The following EVA1A variants were observed in gnomAD, a reference collection of about 807,000 sequenced individuals.
EVA1A encodes protein eva-1 homolog A.
A neutral mutation model predicts 9.8 loss-of-function variants in EVA1A; 7 were observed. The observed-to-expected ratio is 0.71, with a 90% CI of 0.41 to 1.34. EVA1A has a LOEUF of 1.34. EVA1A is among the 40% of genes most tolerant of loss of function. The pLI is 0.01. For missense variants in EVA1A, 206 were observed against 205.9 expected (o/e 1.00, Z 0.00); for synonymous variants, 90 against 85.6 (o/e 1.05, Z -0.28).
chr2:75,518,075 C>T lies in EVA1A; in HGVS notation c.66G>A (p.Ala22=), dbSNP rs767025615. ...ACCTACCTGAGACAAAGGAATAGGC[C>T]GCTAGGATGTTGCTGAGCAAAGCCA... ...VEMALLSNIL[A]AYSFVSENPE... The change falls in exon 3 of 4, where the codon GCG becomes GCA. Residue 22 remains alanine (A), a synonymous_variant. Coordinates refer to ENST00000393913, the MANE Select transcript of EVA1A (RefSeq NM_001135032.2). 6.1e-5 allele frequency: 99 copies of T among 1,614,102 alleles called. No individual in the cohort carries two copies. Among genetic ancestry groups the T allele is most frequent in the Middle Eastern group, 3.3e-4 (2 of 6,060 alleles).
chr2:75,553,842 A>C (rs1281001373), intron 1 of EVA1A, among the ~76,000 whole-genome samples: 1 of 152,166 alleles, frequency 6.6e-6, no homozygotes, highest in Non-Finnish European at 1.5e-5. Context: ...TCTCATAGCA[A>C]GTAAATGGCA....
intron 1 of EVA1A, among the ~76,000 whole-genome samples, chr2:75,555,301 A>ATCTC (rs58092436): frequency 0.066 from 3,743 of 57,100 alleles, 312 homozygotes; most frequent in East Asian, 0.2. Flanking sequence ...TCAAAACTCA[A>ATCTC]TCTCTCTCTC....
intron 3 of EVA1A, among the ~76,000 whole-genome samples, chr2:75,499,360 C>A (rs1195774706): frequency 6.6e-6 from 1 of 152,098 alleles, no homozygotes; most frequent in East Asian, 1.9e-4. Context: ...GCATGAGGCA[C>A]CACTGGGGCA....
rs116561331 is a variant in EVA1A, at chr2:75,557,800, G to C, written c.-192+2880C>G. 8.9e-3 allele frequency among the ~76,000 whole-genome samples: 1,360 copies of C among 152,374 alleles called. 20 individuals carry two copies. The highest frequency in any genetic ancestry group is 0.031 in the African/African-American group (1,302 of 41,598). On this transcript the variant is annotated intron_variant, in intron 1 of 3. Transcript: ENST00000393913. ...TCCTGCCCCTCTGTGGCTGGGGGCAGGGCCAGGAGGCAAGGAAAGGAGCAA... is the reference window on the plus strand; with the variant it reads ...TCCTGCCCCTCTGTGGCTGGGGGCACGGCCAGGAGGCAAGGAAAGGAGCAA...
At chr2:75,555,733 G>A (rs1438960381) in intron 1 of EVA1A, among the ~76,000 whole-genome samples, 2 of 152,070 alleles carry the variant, frequency 1.3e-5, no homozygotes, top group African/African-American at 4.8e-5. Flanking sequence ...CTCCTGCACT[G>A]GTAAAATGTC....
chr2:75,492,579 C>A lies in EVA1A; in HGVS notation c.*657G>T, dbSNP rs550112654. On this transcript the variant is annotated 3_prime_UTR_variant, in exon 4 of 4. Transcript: ENST00000393913. ...TAAACTATTTAAAATAAAAACCCTT[C>A]ATCCTTTGAGGTTATTGACATTTTC... 6.5e-6 allele frequency: 1 copy of A among 152,684 alleles called. No individual in the cohort carries two copies. Among genetic ancestry groups the A allele is most frequent in the Non-Finnish European group, 1.5e-5 (1 of 68,010 alleles). 9.5% of individuals were successfully genotyped at this position (152,684 alleles called of 1,614,324 possible). A position where few individuals can be genotyped will look rare whatever the true frequency, so the allele number is the denominator to read the frequency against.
intron 1 of EVA1A, among the ~76,000 whole-genome samples, chr2:75,560,189 G>A (rs756447361): frequency 1.3e-5 from 2 of 152,270 alleles, no homozygotes; most frequent in South Asian, 2.1e-4. Context: ...CGGCTTTCGG[G>A]GTCCTGGGGG....
intron 1 of EVA1A, among the ~76,000 whole-genome samples, chr2:75,559,598 A>C (rs1232990112): frequency 2.0e-5 from 3 of 152,090 alleles, no homozygotes; most frequent in African/African-American, 7.2e-5. Flanking sequence ...CGCTGAACTC[A>C]GAGGACAGTA....
intron 1 of EVA1A, among the ~76,000 whole-genome samples, chr2:75,557,664 G>A (rs889383515): frequency 2.0e-5 from 3 of 152,224 alleles, no homozygotes; most frequent in Admixed American, 6.5e-5. Context: ...AGGCAGGTGT[G>A]TGTTGACTCC....
chr2:75,564,775 T>C (rs1299629100), upstream of EVA1A, among the ~76,000 whole-genome samples: 1 of 152,226 alleles, frequency 6.6e-6, no homozygotes, highest in East Asian at 1.9e-4. Context: ...CAAAACTCCA[T>C]CTGCATTTGC....
At chr2:75,563,283 G>A (rs1676960371), upstream of EVA1A, among the ~76,000 whole-genome samples, 1 of 152,224 alleles carries the variant, frequency 6.6e-6, no homozygotes, top group Non-Finnish European at 1.5e-5. Flanking sequence ...TTGCTAGCCT[G>A]AGAGCCCCTC....
At position 75,539,110 on chromosome 2, in the gene EVA1A, C is replaced by G. The variant is rs371583672; in HGVS notation, c.-191-16623G>C. On this transcript the variant is annotated intron_variant, in intron 1 of 3. Transcript: ENST00000393913. ...CATTTTAATGCATAATCTTTAGAGT[C>G]TTCCTGAACCATAATCTGCACATTA... 4.6e-5 allele frequency among the ~76,000 whole-genome samples: 7 copies of G among 152,322 alleles called. No individual in the cohort carries two copies. The East Asian group carries it at 1.3e-3, about 29-fold the overall frequency.
intron 1 of EVA1A, among the ~76,000 whole-genome samples, chr2:75,529,059 T>C (rs1394265431): frequency 1.3e-5 from 2 of 152,166 alleles, no homozygotes; most frequent in Admixed American, 1.3e-4. Context: ...TCCACTTCAC[T>C]CTACTGCTGC....
intron 3 of EVA1A, among the ~76,000 whole-genome samples, chr2:75,498,230 T>A (rs1241173724): frequency 6.8e-6 from 1 of 147,142 alleles, no homozygotes; most frequent in Non-Finnish European, 1.5e-5. Context: ...CACACAGGAA[T>A]AGAAAATCAA....
intron 1 of EVA1A, among the ~76,000 whole-genome samples, chr2:75,530,399 C>G (rs1675603121): frequency 6.6e-6 from 1 of 152,100 alleles, no homozygotes; most frequent in African/African-American, 2.4e-5. Context: ...TGAAATCATT[C>G]TATGAAGCCA....
chr2:75,566,189 C>G (rs1436897930), intron 1 of EVA1A, among the ~76,000 whole-genome samples: 1 of 152,200 alleles, frequency 6.6e-6, no homozygotes, highest in African/African-American at 2.4e-5. Flanking sequence ...CACCAAAGGT[C>G]AAAGAATGCA....
chr2:75,547,211 C>T (rs530174024), intron 1 of EVA1A, among the ~76,000 whole-genome samples: 2 of 152,210 alleles, frequency 1.3e-5, no homozygotes, highest in East Asian at 3.9e-4. Flanking sequence ...CTGGATGGGT[C>T]TTAGAAGGAA....
At chr2:75,517,318 A>G (rs1423079578) in intron 3 of EVA1A, among the ~76,000 whole-genome samples, 1 of 152,208 alleles carries the variant, frequency 6.6e-6, no homozygotes, top group Non-Finnish European at 1.5e-5. Context: ...TATACAATAT[A>G]TCCAGAGACA....
intron 1 of EVA1A, among the ~76,000 whole-genome samples, chr2:75,559,980 A>T (rs1676865306): frequency 6.6e-6 from 1 of 152,128 alleles, no homozygotes; most frequent in African/African-American, 2.4e-5. Context: ...CTTCCAGGAC[A>T]TCCTCATTTC....
Sources: allele counts gnomAD v4.1 joint callset (sites outside exome capture counted in the v4.1 genomes callset), GRCh38; gene constraint gnomAD v4.1.1; transcripts MANE v1.5; gene names NCBI Gene and HGNC (gene_info 2026-07-23, HGNC 2026-07-21).